CNBD1: variants seen among roughly 807,000 people sequenced by gnomAD.
The protein encoded by CNBD1 is cyclic nucleotide-binding domain-containing protein 1.
Under a neutral mutation model 54.4 loss-of-function variants are expected in CNBD1, and 71 were observed. The ratio of observed to expected loss-of-function variants is 1.30; its 90% CI spans 1.08 to 1.59. The LOEUF is 1.59. Among genes scored for constraint, CNBD1 ranks in the 40% most tolerant of loss-of-function variants. The pLI is 0.00. For missense variants in CNBD1, 659 were observed against 518.0 expected, an observed-to-expected ratio of 1.27 and a Z score of -2.64; for synonymous variants, 182 against 170.7, an observed-to-expected ratio of 1.07 and a Z score of -0.51.
intron 4 of CNBD1, among the ~76,000 whole-genome samples, chr8:87,084,815 T>G (rs1811065498): frequency 6.6e-6 from 1 of 151,986 alleles, no homozygotes. Flanking sequence ...TAGCTGGGAT[T>G]CAGGCATGTG....
intron 10 of CNBD1, among the ~76,000 whole-genome samples, chr8:87,359,441 A>T (rs1241873126): frequency 1.3e-5 from 2 of 152,264 alleles, no homozygotes; most frequent in East Asian, 3.9e-4. Context: ...AAGGAAATAA[A>T]ATATTGTGTT....
At chr8:87,355,336 A>T (rs1448700748) in intron 10 of CNBD1, among the ~76,000 whole-genome samples, 1 of 152,124 alleles carries the variant, frequency 6.6e-6, no homozygotes, top group Non-Finnish European at 1.5e-5. Flanking sequence ...TCTGGCTTTC[A>T]TCTCTAAGGT....
intron 2 of CNBD1, among the ~76,000 whole-genome samples, chr8:87,425,294 A>G (rs183855906): frequency 0.015 from 2,267 of 152,132 alleles, 56 homozygotes; most frequent in African/African-American, 0.049. Context: ...GAGTAATTTG[A>G]TCATCTGAAG....
In CNBD1 at chr8:87,166,312, G is replaced by C. The variant is rs544004992; in HGVS notation, c.432-39681G>C. Among the ~76,000 whole-genome samples, 80 of 151,874 alleles carry C rather than the reference G, an allele frequency of 5.3e-4. 1 individual carries two copies. Among genetic ancestry groups the C allele is most frequent in the African/African-American group, 1.9e-3 (80 of 41,488 alleles). On this transcript the variant is annotated intron_variant, in intron 4 of 10. Coordinates refer to ENST00000518476, the MANE Select transcript of CNBD1 (RefSeq NM_173538.3). The surrounding 1 kb of genome is among the most constrained non-coding windows in gnomAD (Gnocchi z 4.3). ...ATATATATCTTGGATCTGTCTGCTT[G>C]GTTCCATTTTTACTGATGTCGCTTG...
chr8:87,005,350 A>G (rs1335747898), intron 4 of CNBD1, among the ~76,000 whole-genome samples: 1 of 152,058 alleles, frequency 6.6e-6, no homozygotes, highest in East Asian at 1.9e-4. Context: ...AGCCTGGGCA[A>G]CAGAGCGAGA....
At chr8:87,392,898 A>C (rs1245691924) in intron 2 of CNBD1, among the ~76,000 whole-genome samples, 2 of 151,936 alleles carry the variant, frequency 1.3e-5, no homozygotes. Context: ...GGCGATGGGA[A>C]GTCTTATTCT....
At chr8:87,184,139 C>T (rs143347057) in intron 4 of CNBD1, among the ~76,000 whole-genome samples, 119 of 152,280 alleles carry the variant, frequency 7.8e-4, no homozygotes, top group Admixed American at 2.1e-3. Context: ...TAGTGTGCAC[C>T]AGTGGGAGAA....
chr8:87,409,695 A>G (rs1261255324), intron 2 of CNBD1, among the ~76,000 whole-genome samples: 3 of 151,982 alleles, frequency 2.0e-5, no homozygotes, highest in African/African-American at 7.2e-5. Flanking sequence ...CTCATTTACC[A>G]CTCTGAAAAC....
intron 4 of CNBD1, among the ~76,000 whole-genome samples, chr8:87,059,812 T>C (rs1810505158): frequency 6.6e-6 from 1 of 152,208 alleles, no homozygotes; most frequent in South Asian, 2.1e-4. Context: ...GGCAGTGCAC[T>C]GTTGGTGACC....
intron 6 of CNBD1, among the ~76,000 whole-genome samples, chr8:87,258,362 T>A (rs746574458): frequency 2.6e-5 from 4 of 152,144 alleles, no homozygotes; most frequent in African/African-American, 9.7e-5. Flanking sequence ...CTTTTGTCTT[T>A]CCCTTCTTTA....
chr8:86,976,854 A>T (rs1827175706), intron 4 of CNBD1, among the ~76,000 whole-genome samples: 1 of 152,028 alleles, frequency 6.6e-6, no homozygotes, highest in South Asian at 2.1e-4. Context: ...TAGAAATGAT[A>T]CTGATTGCTT....
chr8:87,353,613 T>C (rs1483039758), intron 9 of CNBD1, 23 bp from the exon 10 acceptor site: 2 of 1,478,904 alleles, frequency 1.4e-6, no homozygotes, highest in African/African-American at 1.4e-5. Context: ...GCATTAAACA[T>C]CAATAATATA....
intron 4 of CNBD1, among the ~76,000 whole-genome samples, chr8:87,092,769 TCA>T (rs1405005959): frequency 6.6e-6 from 1 of 152,086 alleles, no homozygotes; most frequent in Non-Finnish European, 1.5e-5. Flanking sequence ...TGTCATCACC[TCA>T]CAGATTTGTA....
At chr8:87,044,986 C>G (rs1810151215) in intron 4 of CNBD1, among the ~76,000 whole-genome samples, 1 of 152,134 alleles carries the variant, frequency 6.6e-6, no homozygotes, top group Non-Finnish European at 1.5e-5. Context: ...TCCTTTTCTT[C>G]TCCCTCATTA....
intron 5 of CNBD1, among the ~76,000 whole-genome samples, chr8:87,223,055 T>C (rs74703162): frequency 1.3e-4 from 3 of 22,308 alleles, no homozygotes; most frequent in Admixed American, 5.4e-4. Flanking sequence ...CTGATTTTTC[T>C]TTTTTTTTTT....
At chr8:86,976,789 G>A (rs1252229348) in intron 4 of CNBD1, among the ~76,000 whole-genome samples, 1 of 151,702 alleles carries the variant, frequency 6.6e-6, no homozygotes, top group Non-Finnish European at 1.5e-5. Flanking sequence ...ATTTTCTGAT[G>A]CTTTTATAAA....
chr8:87,302,471 T>C (rs1160675280), intron 8 of CNBD1, among the ~76,000 whole-genome samples: 1 of 151,900 alleles, frequency 6.6e-6, no homozygotes, highest in Non-Finnish European at 1.5e-5. Flanking sequence ...ATAAATTAGG[T>C]ATTGATGGGA....
chr8:86,991,319 A>G (rs532697341), intron 4 of CNBD1, among the ~76,000 whole-genome samples: 9 of 152,002 alleles, frequency 5.9e-5, no homozygotes, highest in Non-Finnish European at 1.0e-4. Context: ...TGTGTCTGTC[A>G]TATATGGTTT....
intron 3 of CNBD1, among the ~76,000 whole-genome samples, chr8:86,934,255 C>A (rs1385515945): frequency 1.3e-5 from 2 of 152,084 alleles, no homozygotes; most frequent in East Asian, 3.8e-4. Context: ...TTATTTTTAA[C>A]AGCTTTAAAT....
Sources: allele counts gnomAD v4.1 joint callset (sites outside exome capture counted in the v4.1 genomes callset), GRCh38; gene constraint gnomAD v4.1.1; non-coding constraint Gnocchi (gnomAD v3.1); transcripts MANE v1.5; gene names NCBI Gene and HGNC (gene_info 2026-07-23, HGNC 2026-07-21).